DDX10: variants seen among roughly 807,000 people sequenced by gnomAD.
DDX10 encodes probable ATP-dependent RNA helicase DDX10.
DDX10 carries 74 observed loss-of-function variants against 104.3 expected under a neutral mutation model. The observed-to-expected ratio is 0.71, with a 90% CI of 0.59 to 0.86. DDX10 has a LOEUF of 0.86. Ranked by LOEUF, DDX10 falls within the 40% of genes least tolerant of loss-of-function variation. DDX10 has a pLI of 0.00. For synonymous variants in DDX10, 351 were observed against 353.4 expected (o/e 0.99, Z 0.08); for missense variants, 952 against 1,040.0 (o/e 0.92, Z 1.16).
At chr11:108,697,272 C>T (rs1392821518) in intron 9 of DDX10, among the ~76,000 whole-genome samples, 2 of 139,452 alleles carry the variant, frequency 1.4e-5, no homozygotes, top group South Asian at 2.3e-4. Flanking sequence ...CAATAATGGG[C>T]TTAAAGATAA....
intron 16 of DDX10, among the ~76,000 whole-genome samples, chr11:108,873,659 C>T (rs1329472553): frequency 6.6e-6 from 1 of 152,134 alleles, no homozygotes; most frequent in East Asian, 1.9e-4. Flanking sequence ...TTCATAAAAC[C>T]TCTTCCCAGA....
At chr11:108,784,151 TCCTTTGGTTATATAC>T (rs1374975579) in intron 13 of DDX10, among the ~76,000 whole-genome samples, 3 of 152,234 alleles carry the variant, frequency 2.0e-5, no homozygotes, top group African/African-American at 7.2e-5. Context: ...TAAATTATTT[TCCTTTGGTTATATAC>T]CCAATAGTGG....
intron 17 of DDX10, among the ~76,000 whole-genome samples, chr11:108,939,936 T>C (rs1864084987): frequency 6.6e-6 from 1 of 152,150 alleles, no homozygotes. Context: ...AAGCACACAC[T>C]GGAGCGAGAC....
intron 13 of DDX10, among the ~76,000 whole-genome samples, chr11:108,803,851 A>G (rs1591822568): frequency 6.6e-6 from 1 of 152,198 alleles, no homozygotes; most frequent in Admixed American, 6.5e-5. Flanking sequence ...GTTAGAAATG[A>G]GTACCTTTAG....
At chr11:108,758,298 T>A (rs546946384) in intron 13 of DDX10, among the ~76,000 whole-genome samples, 2 of 152,224 alleles carry the variant, frequency 1.3e-5, no homozygotes, top group East Asian at 3.9e-4. Context: ...CATCTCAGTC[T>A]ATAAGAGATC....
At chr11:108,736,178 T>G (rs1591804944) in intron 13 of DDX10, among the ~76,000 whole-genome samples, 1 of 151,894 alleles carries the variant, frequency 6.6e-6, no homozygotes, top group East Asian at 1.9e-4. Flanking sequence ...TTTTAACCTT[T>G]TTGCTTCTTC....
intron 13 of DDX10, among the ~76,000 whole-genome samples, chr11:108,822,925 A>G (rs1862346184): frequency 6.6e-6 from 1 of 152,242 alleles, no homozygotes; most frequent in South Asian, 2.1e-4. Context: ...AAGATGAAAT[A>G]TAAGATAGAT....
chr11:108,782,459 TC>T (rs1861719346), intron 13 of DDX10, among the ~76,000 whole-genome samples: 1 of 152,198 alleles, frequency 6.6e-6, no homozygotes, highest in Admixed American at 6.6e-5. Flanking sequence ...GAGATCCCTT[TC>T]TGCATGCTTC....
rs1195121138 is a variant in DDX10 at position 108,866,171 on chromosome 11, G to A, written c.2304+13962G>A. Among the ~76,000 whole-genome samples, 7 of 152,208 alleles carry A rather than the reference G, an allele frequency of 4.6e-5. No individual in the cohort carries two copies. In the East Asian group the frequency reaches 1.2e-3, roughly 25 times the overall value. On this transcript the variant is annotated intron_variant, in intron 16 of 17. Transcript: ENST00000322536. Reference sequence around the variant, plus strand: ...TAGTTGGACTCTGGAGAGTGAATGAGAGAAAGAGCCAGGTCACAAATCCTG... The same window carrying A: ...TAGTTGGACTCTGGAGAGTGAATGAAAGAAAGAGCCAGGTCACAAATCCTG...
chr11:108,696,232 A>C (rs1236368653), intron 9 of DDX10, among the ~76,000 whole-genome samples: 2 of 152,078 alleles, frequency 1.3e-5, no homozygotes, highest in East Asian at 3.9e-4. Context: ...GCTGGAGTGC[A>C]GTGGCACAAT....
chr11:108,931,405 A>G (rs890884058), intron 17 of DDX10, among the ~76,000 whole-genome samples: 29 of 152,230 alleles, frequency 1.9e-4, no homozygotes, highest in African/African-American at 7.0e-4. Context: ...GGCAACTGCC[A>G]GGGTTTAAAT....
At chr11:108,729,634 T>G (rs1037621004) in intron 13 of DDX10, among the ~76,000 whole-genome samples, 11 of 152,060 alleles carry the variant, frequency 7.2e-5, no homozygotes, top group African/African-American at 2.2e-4. Context: ...TTTTCTACTT[T>G]GTACTTAATA....
intron 13 of DDX10, among the ~76,000 whole-genome samples, chr11:108,798,687 T>C (rs2134555219): frequency 6.6e-6 from 1 of 152,304 alleles, no homozygotes; most frequent in South Asian, 2.1e-4. Context: ...TTTTTTGTTT[T>C]TAAGGGAAGA....
chr11:108,853,651 A>C (rs1176261427), intron 16 of DDX10, among the ~76,000 whole-genome samples: 1 of 151,972 alleles, frequency 6.6e-6, no homozygotes, highest in East Asian at 1.9e-4. Context: ...ATTTGGTTTT[A>C]ATACTGTGTC....
At chr11:108,763,376 T>C (rs2134518130) in intron 13 of DDX10, among the ~76,000 whole-genome samples, 2 of 152,182 alleles carry the variant, frequency 1.3e-5, no homozygotes, top group East Asian at 3.9e-4. Flanking sequence ...CATAGTAACA[T>C]AAACATTAAA....
intron 16 of DDX10, among the ~76,000 whole-genome samples, chr11:108,882,263 C>G (rs1863237050): frequency 6.6e-6 from 1 of 152,144 alleles, no homozygotes; most frequent in Admixed American, 6.5e-5. Flanking sequence ...TCAAAATATG[C>G]CCCCACACCT....
rs377275416 is a variant in DDX10 at position 108,673,423 on chromosome 11, G to A, written c.187-44G>A. On this transcript the variant is annotated intron_variant, in intron 1 of 17. Transcript: ENST00000322536. Reference sequence around the variant, plus strand: ...AATGTAGAGAAGAAATGGCTGTGTCGTGAAACAAATGAGTTACCCTGATTC... The same window carrying A: ...AATGTAGAGAAGAAATGGCTGTGTCATGAAACAAATGAGTTACCCTGATTC... 274 of 1,346,748 alleles carry A rather than the reference G, an allele frequency of 2.0e-4. 1 individual carries two copies. The African/African-American group carries it at 3.4e-3, about 17-fold the overall frequency. The allele number at this position is 1,346,748 out of a possible 1,614,324, so 83.4% of individuals were successfully genotyped here. A position where few individuals can be genotyped will look rare whatever the true frequency, so the allele number is the denominator to read the frequency against.
intron 13 of DDX10, among the ~76,000 whole-genome samples, chr11:108,834,991 C>T (rs566645744): frequency 2.0e-4 from 29 of 147,602 alleles, no homozygotes; most frequent in Non-Finnish European, 3.9e-4. Context: ...TAGTAGGAGT[C>T]AGTAACAAAG....
At chr11:108,700,991 A>T (rs1036284632) in intron 9 of DDX10, among the ~76,000 whole-genome samples, 1 of 152,056 alleles carries the variant, frequency 6.6e-6, no homozygotes, top group Non-Finnish European at 1.5e-5. Flanking sequence ...AATACGTATT[A>T]GCCAGCTTGG....
Sources: gnomAD v4.1 joint callset for allele counts (sites outside exome capture counted in the v4.1 genomes callset) on GRCh38, gnomAD v4.1.1 for gene constraint, MANE v1.5 for transcripts, NCBI Gene and HGNC (gene_info 2026-07-23, HGNC 2026-07-21) for gene names.